GALNT13: variants seen among roughly 807,000 people sequenced by gnomAD.
GALNT13 encodes polypeptide N-acetylgalactosaminyltransferase 13, also known as UDP-GalNAc:polypeptide N-acetylgalactosaminyltransferase 13.
GALNT13 carries 28 observed loss-of-function variants against 64.2 expected under a neutral mutation model. The observed-to-expected ratio is 0.44, with a 90% CI of 0.32 to 0.60. The LOEUF (loss-of-function observed/expected upper bound fraction) is 0.60, where lower values mean the gene tolerates loss of function less well. Among genes scored for constraint, GALNT13 ranks in the 20% least tolerant of loss-of-function variants. The pLI, the probability that GALNT13 is intolerant of heterozygous loss-of-function variation, is 0.05. For synonymous variants in GALNT13, 214 were observed against 224.6 expected (o/e 0.95, Z 0.42); for missense variants, 577 against 669.8 (o/e 0.86, Z 1.53).
At chr2:153,170,427 C>A in the GALNT13 span, among the ~76,000 whole-genome samples, 1 of 152,154 alleles carries the variant, frequency 6.6e-6, no homozygotes, top group African/African-American at 2.4e-5. Context: ...TTTTATCTTT[C>A]TTTGAACCTA....
At chr2:153,924,251 C>T (rs1457931316) in intron 2 of GALNT13, among the ~76,000 whole-genome samples, 1 of 135,340 alleles carries the variant, frequency 7.4e-6, no homozygotes, top group Non-Finnish European at 1.5e-5. Flanking sequence ...ATCTTGTTTG[C>T]CCCCATGTGT....
intron 7 of GALNT13, among the ~76,000 whole-genome samples, chr2:154,252,592 G>A (rs1455960750): frequency 1.3e-5 from 2 of 151,976 alleles, no homozygotes; most frequent in Non-Finnish European, 2.9e-5. Context: ...TCCTGACCTC[G>A]TGATCCGCCT....
chr2:153,506,520 G>C, the GALNT13 span, among the ~76,000 whole-genome samples: 2 of 152,092 alleles, frequency 1.3e-5, no homozygotes, highest in African/African-American at 4.8e-5. Flanking sequence ...AGCAGTTCTT[G>C]TAGTGCTGGC....
chr2:153,174,900 T>G, the GALNT13 span, among the ~76,000 whole-genome samples: 2 of 148,276 alleles, frequency 1.3e-5, no homozygotes, highest in Non-Finnish European at 3.0e-5. Flanking sequence ...ATCACCCAAT[T>G]CCAAAGTCAC....
chr2:153,443,580 A>T, the GALNT13 span, among the ~76,000 whole-genome samples: 1 of 152,124 alleles, frequency 6.6e-6, no homozygotes, highest in Admixed American at 6.5e-5. Context: ...AGCACTCTTC[A>T]CTGTGTTTTC....
At chr2:154,270,009 T>C (rs528520203) in intron 8 of GALNT13, among the ~76,000 whole-genome samples, 4 of 148,692 alleles carry the variant, frequency 2.7e-5, no homozygotes, top group African/African-American at 7.4e-5. Flanking sequence ...AAAACAAATG[T>C]GTTAGAATTT....
intron 9 of GALNT13, among the ~76,000 whole-genome samples, chr2:154,349,585 T>C (rs13431051): frequency 0.13 from 20,240 of 152,218 alleles, 1,394 homozygotes; most frequent in Middle Eastern, 0.2. Flanking sequence ...AGTATGTGGA[T>C]GAGCATGGCA....
the GALNT13 span, among the ~76,000 whole-genome samples, chr2:153,086,198 A>G: frequency 1.3e-5 from 2 of 152,130 alleles, no homozygotes; most frequent in Non-Finnish European, 2.9e-5. Context: ...TCATAAGGTA[A>G]AAGGTACTTA....
chr2:154,417,933 A>G (rs1574269413), intron 11 of GALNT13, among the ~76,000 whole-genome samples: 1 of 152,212 alleles, frequency 6.6e-6, no homozygotes, highest in East Asian at 1.9e-4. Flanking sequence ...CTTAGACTGC[A>G]GAATTTTTTC....
rs546557008 is a variant in GALNT13 at position 154,018,744 on chromosome 2, G to A, written c.142+74105G>A. On this transcript the variant is annotated intron_variant, in intron 3 of 12. Coordinates refer to ENST00000392825, the MANE Select transcript of GALNT13 (RefSeq NM_052917.4). ...AGGCAGAGAGAATGATGAAGAGGGC[G>A]AGGGAATGAGGGAGAAAGAGAATGA... 4.0e-5 allele frequency among the ~76,000 whole-genome samples: 6 copies of A among 151,554 alleles called. No homozygotes were observed. The East Asian group carries it at 5.8e-4, about 15-fold the overall frequency.
chr2:154,417,199 C>G (rs1700047312), intron 11 of GALNT13, among the ~76,000 whole-genome samples: 1 of 150,774 alleles, frequency 6.6e-6, no homozygotes, highest in South Asian at 2.1e-4. Context: ...CAGCCTGTCC[C>G]TATCTTCATT....
the GALNT13 span, among the ~76,000 whole-genome samples, chr2:153,340,360 G>A: frequency 6.6e-6 from 1 of 151,904 alleles, no homozygotes; most frequent in South Asian, 2.1e-4. Flanking sequence ...ATATTAAATA[G>A]AAGTGGTGAG....
intron 3 of GALNT13, among the ~76,000 whole-genome samples, chr2:154,085,762 T>A (rs1337758328): frequency 6.6e-6 from 1 of 152,012 alleles, no homozygotes; most frequent in Admixed American, 6.6e-5. Flanking sequence ...TTCTTAAAAT[T>A]TCTTTTCTTG....
At chr2:153,151,820 G>A in the GALNT13 span, among the ~76,000 whole-genome samples, 2 of 149,612 alleles carry the variant, frequency 1.3e-5, no homozygotes, top group Non-Finnish European at 3.0e-5. Flanking sequence ...TCACACACTG[G>A]GGCCTGTTGT....
chr2:153,520,937 C>G, the GALNT13 span, among the ~76,000 whole-genome samples: 1 of 152,128 alleles, frequency 6.6e-6, no homozygotes, highest in African/African-American at 2.4e-5. Context: ...ATAGAGATTT[C>G]TTTTAAATTG....
the GALNT13 span, among the ~76,000 whole-genome samples, chr2:153,435,741 G>T: frequency 2.0e-5 from 3 of 152,226 alleles, no homozygotes; most frequent in East Asian, 3.9e-4. Context: ...AGATGATGGG[G>T]TTTTCTAGAT....
chr2:153,095,253 G>T, the GALNT13 span, among the ~76,000 whole-genome samples: 1 of 152,178 alleles, frequency 6.6e-6, no homozygotes, highest in Admixed American at 6.5e-5. Context: ...CTTCTCAAAA[G>T]AAGACATTTA....
chr2:153,320,126 C>T, the GALNT13 span, among the ~76,000 whole-genome samples: 1 of 152,124 alleles, frequency 6.6e-6, no homozygotes, highest in African/African-American at 2.4e-5. Flanking sequence ...CTTTAAAGCT[C>T]CACAGGTGAT....
At chr2:153,771,729 A>C in the GALNT13 span, among the ~76,000 whole-genome samples, 1 of 152,164 alleles carries the variant, frequency 6.6e-6, no homozygotes, top group Non-Finnish European at 1.5e-5. Context: ...GTCTAGTCAT[A>C]AAGCGGAGAG....
Sources: allele counts gnomAD v4.1 joint callset (sites outside exome capture counted in the v4.1 genomes callset), GRCh38; gene constraint gnomAD v4.1.1; transcripts MANE v1.5; gene names NCBI Gene and HGNC (gene_info 2026-07-23, HGNC 2026-07-21).